The following CCBE1 variants were observed in gnomAD, a reference collection of about 807,000 sequenced individuals.
CCBE1 encodes the protein collagen and calcium-binding EGF domain-containing protein 1.
Under a neutral mutation model 50.0 loss-of-function variants are expected in CCBE1, and 37 were observed. That is an observed-to-expected ratio of 0.74 (90% confidence interval 0.57 to 0.97). The LOEUF is 0.97. Among genes scored for constraint, CCBE1 ranks in the 50% least tolerant of loss-of-function variants. The pLI, the probability that CCBE1 is intolerant of heterozygous loss-of-function variation, is 0.00. For missense variants in CCBE1, 538 were observed against 523.8 expected, an observed-to-expected ratio of 1.03 and a Z score of -0.26; for synonymous variants, 234 against 203.7, an observed-to-expected ratio of 1.15 and a Z score of -1.27.
chr18:59,692,953 AAAGCAC>A (rs1465880920), intron 2 of CCBE1, among the ~76,000 whole-genome samples: 6 of 94,548 alleles, frequency 6.3e-5, no homozygotes, highest in African/African-American at 2.7e-4. Context: ...TTGTCAAGCC[AAAGCAC>A]ACACACACAC....
intron 2 of CCBE1, among the ~76,000 whole-genome samples, chr18:59,613,202 G>A (rs2053595744): frequency 6.6e-6 from 1 of 152,082 alleles, no homozygotes; most frequent in African/African-American, 2.4e-5. Context: ...GGGGGTGGTA[G>A]AGGATAACTA....
rs1004817731 is a variant in CCBE1 at position 59,431,231 on chromosome 18, A to G, written c.*4677T>C. 2 of 152,266 alleles carry G rather than the reference A, an allele frequency of 1.3e-5. No homozygotes were observed. The highest frequency in any genetic ancestry group is 4.8e-5 in the African/African-American group (2 of 41,470). The allele number at this position is 152,266 out of a possible 1,614,324, so 9.4% of individuals were successfully genotyped here. A position where few individuals can be genotyped will look rare whatever the true frequency, so the allele number is the denominator to read the frequency against. On this transcript the variant is annotated 3_prime_UTR_variant, in exon 11 of 11. Transcript: ENST00000439986. ...GAGGGAGCATGTGAAGTTCATGATT[A>G]TATGCCTTAACAATTACAGTCATGG...
chr18:59,471,361 G>A (rs1050595048), intron 3 of CCBE1, among the ~76,000 whole-genome samples: 1 of 152,186 alleles, frequency 6.6e-6, no homozygotes, highest in Non-Finnish European at 1.5e-5. Flanking sequence ...CAGAAGAGAT[G>A]CATTTAACTT....
intron 2 of CCBE1, among the ~76,000 whole-genome samples, chr18:59,629,663 C>G (rs1235413805): frequency 6.6e-6 from 1 of 152,204 alleles, no homozygotes; most frequent in Non-Finnish European, 1.5e-5. Context: ...TTTTTGCTAA[C>G]AGAGAAGTCA....
chr18:59,659,293 A>T (rs1257328446), intron 2 of CCBE1, among the ~76,000 whole-genome samples: 4 of 128,676 alleles, frequency 3.1e-5, no homozygotes, highest in Non-Finnish European at 5.0e-5. Flanking sequence ...AAGAATTTAC[A>T]TGTTTTTTTT....
chr18:59,615,095 G>A (rs547611940), intron 2 of CCBE1, among the ~76,000 whole-genome samples: 4 of 152,258 alleles, frequency 2.6e-5, no homozygotes, highest in South Asian at 2.1e-4. Context: ...CTGCCCTGTC[G>A]ATGGAGACCA....
intron 5 of CCBE1, among the ~76,000 whole-genome samples, chr18:59,461,455 T>C (rs1031230649): frequency 2.8e-5 from 4 of 145,356 alleles, no homozygotes; most frequent in African/African-American, 1.1e-4. Context: ...CCTCTACCCT[T>C]CTCTCTACCC....
At chr18:59,514,474 G>A (rs1914276132) in intron 2 of CCBE1, among the ~76,000 whole-genome samples, 1 of 152,112 alleles carries the variant, frequency 6.6e-6, no homozygotes, top group Admixed American at 6.6e-5. Flanking sequence ...TCACAAGCTA[G>A]TCTGACTTGG....
chr18:59,465,208 C>T (rs1288502176), intron 5 of CCBE1, among the ~76,000 whole-genome samples: 1 of 152,188 alleles, frequency 6.6e-6, no homozygotes, highest in Non-Finnish European at 1.5e-5. Context: ...ATTTTCATGG[C>T]TAGGCTGGCA....
At chr18:59,551,267 T>C (rs1915920947) in intron 2 of CCBE1, among the ~76,000 whole-genome samples, 1 of 152,158 alleles carries the variant, frequency 6.6e-6, no homozygotes, top group African/African-American at 2.4e-5. Context: ...TGTAACACAA[T>C]GGTAAGTATT....
intron 2 of CCBE1, among the ~76,000 whole-genome samples, chr18:59,488,781 A>G (rs894583684): frequency 6.6e-6 from 1 of 152,208 alleles, no homozygotes; most frequent in African/African-American, 2.4e-5. Context: ...TGAGGGTTAC[A>G]TGAGTTTAAA....
chr18:59,630,870 C>G (rs534353616), intron 2 of CCBE1, among the ~76,000 whole-genome samples: 2 of 152,308 alleles, frequency 1.3e-5, no homozygotes, highest in African/African-American at 4.8e-5. Context: ...ATCATTTCAG[C>G]CATTAATTAA....
At chr18:59,633,787 ATTATC>A (rs1346211499) in intron 2 of CCBE1, among the ~76,000 whole-genome samples, 1 of 152,082 alleles carries the variant, frequency 6.6e-6, no homozygotes, top group Non-Finnish European at 1.5e-5. Context: ...AAATATTAGA[ATTATC>A]TTATGGTATC....
intron 2 of CCBE1, among the ~76,000 whole-genome samples, chr18:59,527,806 C>T (rs888460513): frequency 3.9e-5 from 6 of 152,094 alleles, no homozygotes; most frequent in African/African-American, 1.4e-4. Flanking sequence ...GAATACTGGC[C>T]CCTAATCTCT....
At chr18:59,472,710 G>C (rs779095149) in intron 3 of CCBE1, among the ~76,000 whole-genome samples, 1 of 152,190 alleles carries the variant, frequency 6.6e-6, no homozygotes. Context: ...TCTCTCTTTT[G>C]TTGGATTCCT....
chr18:59,436,384 C>A (rs1910160000), intron 10 of CCBE1, among the ~76,000 whole-genome samples: 1 of 152,180 alleles, frequency 6.6e-6, no homozygotes, highest in African/African-American at 2.4e-5. Context: ...TTTATCAAAT[C>A]CAGTAGAGGA....
At chr18:59,450,783 C>T (rs1293425119) in intron 6 of CCBE1, among the ~76,000 whole-genome samples, 1 of 152,240 alleles carries the variant, frequency 6.6e-6, no homozygotes, top group Non-Finnish European at 1.5e-5. Flanking sequence ...GATCCGCCCG[C>T]CTTGGCTTCC....
At chr18:59,483,049 T>TTTA (rs1912652809) in intron 2 of CCBE1, among the ~76,000 whole-genome samples, 2 of 152,138 alleles carry the variant, frequency 1.3e-5, no homozygotes, top group East Asian at 3.9e-4. Flanking sequence ...CTACAGCCTA[T>TTTA]CATGTCACCT....
chr18:59,647,016 C>T (rs936193797), intron 2 of CCBE1, among the ~76,000 whole-genome samples: 3 of 152,186 alleles, frequency 2.0e-5, no homozygotes, highest in Non-Finnish European at 4.4e-5. Context: ...AGGATGGGAA[C>T]CTAAATTCCA....
Sources: gnomAD v4.1 joint callset for allele counts (sites outside exome capture counted in the v4.1 genomes callset) on GRCh38, gnomAD v4.1.1 for gene constraint, MANE v1.5 for transcripts, NCBI Gene and HGNC (gene_info 2026-07-23, HGNC 2026-07-21) for gene names.